KIR2DL3: variants seen among roughly 807,000 people sequenced by gnomAD.
KIR2DL3 encodes killer cell immunoglobulin like receptor, two Ig domains and long cytoplasmic tail 3.
A neutral mutation model predicts 33.8 loss-of-function variants in KIR2DL3; 39 were observed. The observed-to-expected ratio is 1.15, with a 90% confidence interval of 0.89 to 1.51. KIR2DL3 has a LOEUF of 1.51. Ranked by LOEUF, KIR2DL3 falls within the 40% of genes most tolerant of loss-of-function variation. The probability of loss-of-function intolerance (pLI) is 0.00; values close to 1 mark genes in which losing one functional copy is unlikely to be tolerated. For missense variants in KIR2DL3, 462 were observed against 426.2 expected, an observed-to-expected ratio of 1.08 and a Z score of -0.74; for synonymous variants, 174 against 160.2, an observed-to-expected ratio of 1.09 and a Z score of -0.65.
Position 54,747,377 on chromosome 19 carries a change from C to T in KIR2DL3, c.707C>T (p.Ser236Phe), listed in dbSNP as rs1184717769. ...TGGCCTTCACCCACTGAACCAAGCT[C>T]CGAAACCGGTGAGTACAGAACCCTC... ...NSWPSPTEPS[S>F]ETGNPRHLHV... The change falls in exon 5 of 8, where the codon TCC (serine) becomes TTC (phenylalanine). Residue 236 changes from serine to phenylalanine, a missense_variant. By Grantham distance (155) the Ser-to-Phe change is radical. Coordinates refer to ENST00000342376, the MANE Select transcript of KIR2DL3 (RefSeq NM_015868.3). The T allele has an allele frequency of 6.2e-7, 1 of 1,611,220 alleles. No homozygotes were observed.
chr19:54,739,932 C>A (rs1045430654), intron 2 of KIR2DL3, among the ~76,000 whole-genome samples: 2 of 152,202 alleles, frequency 1.3e-5, no homozygotes, highest in Admixed American at 1.3e-4. Flanking sequence ...CTGATGGGGG[C>A]TCAGTTGTTT....
chr19:54,742,363 A>G, intron 3 of KIR2DL3, 84 bp downstream of exon 3: 8 of 1,538,190 alleles, frequency 5.2e-6, no homozygotes, highest in Non-Finnish European at 7.2e-6. Flanking sequence ...GTTGTAAGGA[A>G]GATGAGCTTG....
At chr19:54,742,331 C>G in intron 3 of KIR2DL3, 52 bp downstream of exon 3, 1 of 1,604,828 alleles carries the variant, frequency 6.2e-7, no homozygotes, top group Non-Finnish European at 8.5e-7. Flanking sequence ...GTGAATGATC[C>G]ACGACTTGGA....
At position 54,749,974 on chromosome 19, in the gene KIR2DL3, C is replaced by G. The variant is rs1232111721; in HGVS notation, c.716-1675C>G. Reference sequence around the variant, plus strand: ...ACAAAGGCACCTGAATTCCAATCATCGTTTTTCTATTTCTCTATAATTACT... The same window carrying G: ...ACAAAGGCACCTGAATTCCAATCATGGTTTTTCTATTTCTCTATAATTACT... On this transcript the variant is annotated intron_variant, in intron 5 of 7. Transcript: ENST00000342376. Among the ~76,000 whole-genome samples, 352 of 108,218 alleles carry G rather than the reference C, an allele frequency of 3.3e-3. 3 individuals are homozygous for G. The highest frequency in any genetic ancestry group is 9.2e-3 in the South Asian group (24 of 2,612). The allele number at this position is 108,218 out of a possible 152,430, so 71.0% of individuals were successfully genotyped here.
chr19:54,740,511 G>C (rs1305782622), intron 2 of KIR2DL3, among the ~76,000 whole-genome samples: 1 of 151,700 alleles, frequency 6.6e-6, no homozygotes, highest in Non-Finnish European at 1.5e-5. Flanking sequence ...CCCCCAGTGG[G>C]TGGTCAGCAC....
At chr19:54,741,549 G>A (rs779317236) in intron 2 of KIR2DL3, among the ~76,000 whole-genome samples, 1 of 151,962 alleles carries the variant, frequency 6.6e-6, no homozygotes, top group Non-Finnish European at 1.5e-5. Context: ...TCCCCACCAG[G>A]AACAGGGTGT....
chr19:54,747,790 A>G (rs2072785418), intron 5 of KIR2DL3, among the ~76,000 whole-genome samples: 1 of 152,158 alleles, frequency 6.6e-6, no homozygotes, highest in Non-Finnish European at 1.5e-5. Context: ...GTTGGTCATG[A>G]AGCAACCCTG....
At chr19:54,739,348 C>T (rs971641316) in intron 1 of KIR2DL3, among the ~76,000 whole-genome samples, 159 bp from the exon 2 acceptor site, 3 of 151,838 alleles carry the variant, frequency 2.0e-5, no homozygotes, top group African/African-American at 7.3e-5. Context: ...GGTCTCTGCA[C>T]AGCCGACAGC....
rs878962049 is a variant in KIR2DL3 at position 54,751,574 on chromosome 19, A to T, written c.716-75A>T. The T allele has an allele frequency of 7.4e-6, 9 of 1,215,050 alleles. 1 individual carries two copies. Among genetic ancestry groups the T allele is most frequent in the Middle Eastern group, 2.3e-4 (1 of 4,404 alleles). The allele number at this position is 1,215,050 out of a possible 1,614,324, so 75.3% of individuals were successfully genotyped here. A position where few individuals can be genotyped will look rare whatever the true frequency, so the allele number is the denominator to read the frequency against. ...GGGTGTTGTATGTGGTTACCTGTCA[A>T]TCAAGAAATGTGAGACAATTCATAA... On this transcript the variant is annotated intron_variant, in intron 5 of 7. Coordinates refer to ENST00000342376, the MANE Select transcript of KIR2DL3 (RefSeq NM_015868.3).
chr19:54,752,814 A>T lies in KIR2DL3; in HGVS notation c.*295A>T, dbSNP rs4020188. ...TGACCCCTGCCCACCTCTCCAACCT[A>T]ACTGGCTTACTTCCTAGTCTACTTG... On this transcript the variant is annotated 3_prime_UTR_variant, in exon 8 of 8. Transcript: ENST00000342376. 73 of 503,474 alleles carry T rather than the reference A, an allele frequency of 1.4e-4. 3 individuals are homozygous for T. Among genetic ancestry groups the T allele is most frequent in the African/African-American group, 6.3e-4 (31 of 49,540 alleles). The allele number at this position is 503,474 out of a possible 1,614,324, so 31.2% of individuals were successfully genotyped here. A position where few individuals can be genotyped will look rare whatever the true frequency, so the allele number is the denominator to read the frequency against.
intron 4 of KIR2DL3, among the ~76,000 whole-genome samples, chr19:54,744,763 G>A (rs2071972908): frequency 6.7e-6 from 1 of 150,192 alleles, no homozygotes; most frequent in Non-Finnish European, 1.5e-5. Flanking sequence ...CTGACCACGT[G>A]ATCCACCCGC....
intron 5 of KIR2DL3, among the ~76,000 whole-genome samples, 156 bp downstream of exon 5, chr19:54,747,541 G>T (rs1291998721): frequency 1.1e-4 from 16 of 147,680 alleles, no homozygotes; most frequent in Non-Finnish European, 1.7e-4. Flanking sequence ...AGGGATCTGG[G>T]CCCAACCTAG....
At chr19:54,742,958 C>T (rs1185252365) in intron 3 of KIR2DL3, among the ~76,000 whole-genome samples, 3 of 151,800 alleles carry the variant, frequency 2.0e-5, no homozygotes, top group African/African-American at 7.3e-5. Context: ...GATTGAGAGA[C>T]TCACAGACAC....
intron 4 of KIR2DL3, among the ~76,000 whole-genome samples, chr19:54,745,594 C>G (rs1370202610): frequency 6.6e-6 from 1 of 150,692 alleles, no homozygotes; most frequent in Non-Finnish European, 1.5e-5. Context: ...AAACTCATGA[C>G]CTCAACTGAG....
chr19:54,746,727 A>T (rs535160138), intron 4 of KIR2DL3, among the ~76,000 whole-genome samples: 1 of 150,446 alleles, frequency 6.6e-6, no homozygotes, highest in South Asian at 2.2e-4. Flanking sequence ...TGACACCTGC[A>T]ATTTCAGCAC....
At chr19:54,739,081 T>G (rs2070440169) in intron 1 of KIR2DL3, among the ~76,000 whole-genome samples, 1 of 144,040 alleles carries the variant, frequency 6.9e-6, no homozygotes, top group South Asian at 2.2e-4. Context: ...TATCTGGGCC[T>G]GGAGTGGAGA....
In KIR2DL3 at chr19:54,750,014, T is replaced by A. The variant is rs533822205; in HGVS notation, c.716-1635T>A. On this transcript the variant is annotated intron_variant, in intron 5 of 7. Coordinates refer to ENST00000342376, the MANE Select transcript of KIR2DL3 (RefSeq NM_015868.3). ...CTATAATTACTTCTTTGATCCTTTA[T>A]CTTATCCATTAGGCAATGAGCTTAA... 3.8e-5 allele frequency among the ~76,000 whole-genome samples: 5 copies of A among 131,832 alleles called. 1 individual carries two copies. The East Asian group carries it at 1.0e-3, about 26-fold the overall frequency. 86.5% of individuals were successfully genotyped at this position (131,832 alleles called of 152,430 possible). A position where few individuals can be genotyped will look rare whatever the true frequency, so the allele number is the denominator to read the frequency against.
intron 2 of KIR2DL3, 102 bp downstream of exon 2, chr19:54,739,644 G>A (rs1381310065): frequency 7.5e-6 from 12 of 1,592,744 alleles, no homozygotes; most frequent in African/African-American, 1.3e-5. Context: ...AAACTAGGAA[G>A]AGAGGACCCT....
intron 2 of KIR2DL3, among the ~76,000 whole-genome samples, chr19:54,741,104 G>T (rs1639427): frequency 0.28 from 42,015 of 148,416 alleles, 5,991 homozygotes; most frequent in South Asian, 0.39. Context: ...CTCTCCTGCT[G>T]CCATGCTTCT....
Sources: gnomAD v4.1 joint callset for allele counts (sites outside exome capture counted in the v4.1 genomes callset) on GRCh38, gnomAD v4.1.1 for gene constraint, MANE v1.5 for transcripts, NCBI Gene and HGNC (gene_info 2026-07-23, HGNC 2026-07-21) for gene names.